DNAI3: variants seen among roughly 807,000 people sequenced by gnomAD.
The protein encoded by DNAI3 is dynein axonemal intermediate chain 3.
DNAI3 carries 83 observed loss-of-function variants against 115.5 expected under a neutral mutation model. The observed-to-expected ratio is 0.72, with a 90% CI of 0.60 to 0.86. DNAI3 has a LOEUF of 0.86. Ranked by LOEUF, DNAI3 falls within the 40% of genes least tolerant of loss-of-function variation. DNAI3 has a pLI of 0.00. For synonymous variants in DNAI3, 320 were observed against 347.0 expected (o/e 0.92, Z 0.86); for missense variants, 1,004 against 1,075.8 (o/e 0.93, Z 0.93).
In DNAI3 at chr1:85,120,564, G is replaced by A. The variant is rs189389471; in HGVS notation, c.1918-1187G>A. On this transcript the variant is annotated intron_variant, in intron 17 of 22. Transcript: ENST00000294664. ...ACTTGGTTCAATTTCATTGTTTCAT[G>A]TACTGGCTATGAGACCCAGGAGATA... is the stretch of plus-strand genomic sequence containing the variant. Among the ~76,000 whole-genome samples, 7 of 152,308 alleles carry A rather than the reference G, an allele frequency of 4.6e-5. No homozygotes were observed. In the East Asian group the frequency reaches 1.3e-3, roughly 29 times the overall value.
At chr1:85,102,578 G>A (rs1655360508) in intron 13 of DNAI3, among the ~76,000 whole-genome samples, 1 of 152,136 alleles carries the variant, frequency 6.6e-6, no homozygotes, top group Non-Finnish European at 1.5e-5. Context: ...TGATTAATAT[G>A]TTAAAAAGAA....
chr1:85,082,466 G>C, intron 5 of DNAI3, 62 bp downstream of exon 5: 1 of 1,337,264 alleles, frequency 7.5e-7, no homozygotes, highest in South Asian at 1.2e-5. Context: ...TTGTTTTTGA[G>C]ATAGGCTCTT....
Position 85,097,566 on chromosome 1 carries a change from T to C in DNAI3, c.1264-3T>C. ...GTTATGATAACATTTATTTCCATTTTAGATTGTCATGTGGGATATCACCGC... is the reference window on the plus strand; with the variant it reads ...GTTATGATAACATTTATTTCCATTTCAGATTGTCATGTGGGATATCACCGC... On this transcript the variant is annotated splice_region_variant and splice_polypyrimidine_tract_variant and intron_variant, in intron 11 of 22. Coordinates refer to ENST00000294664, the MANE Select transcript of DNAI3 (RefSeq NM_145172.5). The C allele has an allele frequency of 6.3e-7, 1 of 1,598,808 alleles. No homozygotes were observed. The highest frequency in any genetic ancestry group is 8.5e-7 in the Non-Finnish European group (1 of 1,175,480).
intron 16 of DNAI3, among the ~76,000 whole-genome samples, chr1:85,116,402 C>T (rs1337509185): frequency 3.3e-5 from 5 of 152,204 alleles, no homozygotes; most frequent in African/African-American, 1.2e-4. Context: ...CCCTATAGAT[C>T]AGGGTCTTGT....
chr1:85,113,062 T>A (rs1216988332), intron 16 of DNAI3, among the ~76,000 whole-genome samples: 1 of 152,224 alleles, frequency 6.6e-6, no homozygotes, highest in Admixed American at 6.5e-5. Context: ...AGCCACCACA[T>A]CTGGCCTGTT....
chr1:85,122,269 T>C (rs550231392), intron 18 of DNAI3, among the ~76,000 whole-genome samples: 1 of 151,816 alleles, frequency 6.6e-6, no homozygotes, highest in Non-Finnish European at 1.5e-5. Context: ...CCCAGCAGAG[T>C]ATGGGAAAAG....
chr1:85,117,780 A>G lies in DNAI3; in HGVS notation c.1838A>G (p.Tyr613Cys), dbSNP rs956699562. 14 of 1,613,852 alleles carry G rather than the reference A, an allele frequency of 8.7e-6. No homozygotes were observed. The African/African-American group carries it at 1.2e-4, about 14-fold the overall frequency. ...GAGAAGGCAGAAGAAATGAACCCGT[A>G]TCATAATCTGGAAAGTGGGATGGCC... ...KTEKAEEMNP[Y>C]HNLESGMANL... is the part of the protein sequence containing the mutation. The change falls in exon 17 of 23, where the codon TAT (tyrosine) becomes TGT (cysteine). Residue 613 changes from tyrosine (Y) to cysteine (C), a missense_variant. Physicochemically the swap from Tyr to Cys is radical, Grantham distance 194 (BLOSUM62 -2). Transcript: ENST00000294664.
At chr1:85,071,012 A>G (rs1004719006) in intron 1 of DNAI3, among the ~76,000 whole-genome samples, 2 of 152,240 alleles carry the variant, frequency 1.3e-5, no homozygotes, top group African/African-American at 4.8e-5. Context: ...ACCATGGGCT[A>G]TGAAATAATA....
rs1314444017 is a variant in DNAI3 at position 85,108,129 on chromosome 1, A to G, written c.1650A>G (p.Val550=). Reference sequence around the variant, plus strand: ...AAAGTATTGAAATTCCTTTTGATGTACCATCTACTTTTTTGCATCTGGATC... The same window carrying G: ...AAAGTATTGAAATTCCTTTTGATGTGCCATCTACTTTTTTGCATCTGGATC... The part of the protein sequence containing the change: ...KEESIEIPFD[V]PSTFLHLDLS... Residue 550 remains valine, a synonymous_variant, in exon 15 of 23, where the codon GTA becomes GTG. Coordinates refer to ENST00000294664, the MANE Select transcript of DNAI3 (RefSeq NM_145172.5). 6.2e-7 allele frequency: 1 copy of G among 1,609,020 alleles called. No individual in the cohort carries two copies. Among genetic ancestry groups the G allele is most frequent in the African/African-American group, 1.3e-5 (1 of 74,792 alleles).
chr1:85,097,433 A>T, intron 11 of DNAI3, 136 bp from the exon 12 acceptor site: 1 of 580,688 alleles, frequency 1.7e-6, no homozygotes, highest in Non-Finnish European at 2.7e-6. Context: ...TTGCTGACTT[A>T]CTTAAGATAT....
chr1:85,099,680 A>G (rs988832311), intron 13 of DNAI3, among the ~76,000 whole-genome samples: 5 of 152,362 alleles, frequency 3.3e-5, no homozygotes, highest in African/African-American at 1.2e-4. Context: ...CCTAAGCCAA[A>G]AGAACAAAGC....
At chr1:85,121,925 G>C in intron 18 of DNAI3, 111 bp downstream of exon 18, 3 of 1,130,536 alleles carry the variant, frequency 2.7e-6, no homozygotes, top group Middle Eastern at 2.0e-4. Flanking sequence ...GGGAGGGAAG[G>C]CTCCTAAGGT....
chr1:85,105,378 A>T (rs1487871628), intron 14 of DNAI3, among the ~76,000 whole-genome samples: 1 of 152,124 alleles, frequency 6.6e-6, no homozygotes, highest in Non-Finnish European at 1.5e-5. Context: ...AATGTATTGG[A>T]TATTTATGCC....
chr1:85,093,843 T>A lies in DNAI3; in HGVS notation c.1048+195T>A, dbSNP rs554603573. The stretch of plus-strand genomic sequence containing the variant: ...CCAACAACCCTGTAGGATACACACC[T>A]GTCATTATCTCTGTTTCACAACAAA... On this transcript the variant is annotated intron_variant, in intron 9 of 22. Coordinates refer to ENST00000294664, the MANE Select transcript of DNAI3 (RefSeq NM_145172.5). 9 of 703,528 alleles carry A rather than the reference T, an allele frequency of 1.3e-5. No homozygotes were observed. In the Admixed American group the frequency reaches 1.8e-4, roughly 14 times the overall value. 43.6% of individuals were successfully genotyped at this position (703,528 alleles called of 1,614,324 possible).
chr1:85,129,888 G>A (rs778383773), intron 21 of DNAI3, 102 bp from the exon 22 acceptor site: 2 of 1,326,270 alleles, frequency 1.5e-6, no homozygotes, highest in East Asian at 4.8e-5. Context: ...GATTAGGTAG[G>A]TCGTCTACCT....
At chr1:85,105,909 A>C (rs887492761) in intron 14 of DNAI3, among the ~76,000 whole-genome samples, 1 of 152,200 alleles carries the variant, frequency 6.6e-6, no homozygotes, top group Non-Finnish European at 1.5e-5. Flanking sequence ...TGACGATCCC[A>C]ACCTGACTGC....
Position 85,062,804 on chromosome 1 carries a change from T to TAATGAATG in DNAI3, c.-15+347_-15+354dup, listed in dbSNP as rs10573039. Among the ~76,000 whole-genome samples the TAATGAATG allele has an allele frequency of 1.9e-4, 28 of 150,666 alleles. 1 individual carries two copies. The highest frequency in any genetic ancestry group is 4.0e-4 in the Admixed American group (6 of 15,146). On this transcript the variant is annotated intron_variant, in intron 1 of 22. Coordinates refer to ENST00000294664, the MANE Select transcript of DNAI3 (RefSeq NM_145172.5). ...CTCAATAAACCATGAATGAGTCAGT[T>TAATGAATG]AATGAATGAATGAATGAATGAATGA...
In DNAI3 at chr1:85,099,851, G is replaced by A. The variant is rs1655237543; in HGVS notation, c.1479+1193G>A. Among the ~76,000 whole-genome samples the A allele has an allele frequency of 2.0e-5, 3 of 152,230 alleles. No individual in the cohort carries two copies. In the South Asian group the frequency reaches 6.2e-4, roughly 32 times the overall value. On this transcript the variant is annotated intron_variant, in intron 13 of 22. Coordinates refer to ENST00000294664, the MANE Select transcript of DNAI3 (RefSeq NM_145172.5). Reference sequence around the variant, plus strand: ...CAACCATCTGATCTTTGACAAACCTGAGAAAAACAAGCAATGGGGAAAGGA... The same window carrying A: ...CAACCATCTGATCTTTGACAAACCTAAGAAAAACAAGCAATGGGGAAAGGA...
At chr1:85,068,891 C>A (rs1008313912) in intron 1 of DNAI3, among the ~76,000 whole-genome samples, 3 of 152,196 alleles carry the variant, frequency 2.0e-5, no homozygotes, top group Non-Finnish European at 4.4e-5. Context: ...AGTTAGGAAG[C>A]ATTATGTAGT....
Sources: gnomAD v4.1 joint callset for allele counts (sites outside exome capture counted in the v4.1 genomes callset) on GRCh38, gnomAD v4.1.1 for gene constraint, MANE v1.5 for transcripts, NCBI Gene and HGNC (gene_info 2026-07-23, HGNC 2026-07-21) for gene names.